Variants in ADAMTS17 observed in about 807,000 individuals in gnomAD.
ADAMTS17 encodes the protein A disintegrin and metalloproteinase with thrombospondin motifs 17.
In ADAMTS17, 113 loss-of-function variants were observed where a neutral mutation model predicts 141.5. That is an observed-to-expected ratio of 0.80 (90% CI 0.69 to 0.93). The LOEUF (loss-of-function observed/expected upper bound fraction) is 0.93, where lower values mean the gene tolerates loss of function less well. ADAMTS17 is among the 40% of genes least tolerant of loss of function. The pLI is 0.00. For missense variants in ADAMTS17, 1,659 were observed against 1,517.9 expected (o/e 1.09, Z -1.54); for synonymous variants, 768 against 630.6 (o/e 1.22, Z -3.27).
At chr15:100,208,121 G>A (rs566372287) in intron 7 of ADAMTS17, among the ~76,000 whole-genome samples, 1 of 152,028 alleles carries the variant, frequency 6.6e-6, no homozygotes. Context: ...AGCCTCACCT[G>A]GTACACAGTA....
chr15:100,011,084 T>C (rs1175074254), intron 18 of ADAMTS17, among the ~76,000 whole-genome samples: 1 of 151,598 alleles, frequency 6.6e-6, no homozygotes, highest in Non-Finnish European at 1.5e-5. Flanking sequence ...TGAGGACTAC[T>C]GAGAAACCAC....
intron 7 of ADAMTS17, among the ~76,000 whole-genome samples, chr15:100,209,731 C>A (rs2041728497): frequency 6.6e-6 from 1 of 152,140 alleles, no homozygotes; most frequent in Admixed American, 6.5e-5. Context: ...GGAAGATGGC[C>A]AGCCTCAGAA....
chr15:100,336,915 C>G (rs1054983396), intron 2 of ADAMTS17, among the ~76,000 whole-genome samples: 1 of 152,202 alleles, frequency 6.6e-6, no homozygotes, highest in African/African-American at 2.4e-5. Flanking sequence ...CTGAGCTCAC[C>G]CAGGCTGGAG....
intron 7 of ADAMTS17, among the ~76,000 whole-genome samples, chr15:100,219,841 T>C (rs1187491255): frequency 1.3e-5 from 2 of 151,676 alleles, no homozygotes; most frequent in South Asian, 2.1e-4. Flanking sequence ...AAACCATTCA[T>C]CCCTCTAGTT....
chr15:100,018,086 A>G (rs1407865199), intron 18 of ADAMTS17, among the ~76,000 whole-genome samples: 1 of 152,126 alleles, frequency 6.6e-6, no homozygotes, highest in Non-Finnish European at 1.5e-5. Context: ...TGCTCTCCCT[A>G]GCTCCTGGCA....
intron 7 of ADAMTS17, among the ~76,000 whole-genome samples, chr15:100,214,654 C>A (rs2041914671): frequency 6.6e-6 from 1 of 152,200 alleles, no homozygotes; most frequent in African/African-American, 2.4e-5. Flanking sequence ...AATGGTACTG[C>A]TGACCTGGCC....
rs571989836 is a variant in ADAMTS17 at position 100,209,092 on chromosome 15, T to C, written c.1076-9669A>G. 2.5e-3 allele frequency among the ~76,000 whole-genome samples: 248 copies of C among 99,344 alleles called. 2 individuals carry two copies. Among genetic ancestry groups the C allele is most frequent in the African/African-American group, 9.1e-3 (235 of 25,950 alleles). 65.2% of individuals were successfully genotyped at this position (99,344 alleles called of 152,430 possible). A position where few individuals can be genotyped will look rare whatever the true frequency, so the allele number is the denominator to read the frequency against. ...GATGAATACAATGCAAGGCCATGCA[T>C]GGAAATATTTGCCAAGTTAGCAAAA... is the stretch of plus-strand genomic sequence containing the variant. On this transcript the variant is annotated intron_variant, in intron 7 of 21. Coordinates refer to ENST00000268070, the MANE Select transcript of ADAMTS17 (RefSeq NM_139057.4).
chr15:100,218,081 C>T (rs2042023834), intron 7 of ADAMTS17, among the ~76,000 whole-genome samples: 1 of 152,186 alleles, frequency 6.6e-6, no homozygotes, highest in Non-Finnish European at 1.5e-5. Context: ...CCATGTTGCC[C>T]AGGCTAGTCT....
intron 3 of ADAMTS17, among the ~76,000 whole-genome samples, chr15:100,314,364 TTAAA>T (rs2045496499): frequency 6.6e-6 from 1 of 152,184 alleles, no homozygotes; most frequent in South Asian, 2.1e-4. Context: ...TATCCTTACG[TTAAA>T]TAAGGGTTCT....
intron 10 of ADAMTS17, among the ~76,000 whole-genome samples, chr15:100,137,806 C>G (rs2038412418): frequency 6.6e-6 from 1 of 152,154 alleles, no homozygotes; most frequent in African/African-American, 2.4e-5. Context: ...CACCAACACC[C>G]ACCCTTTCAC....
intron 4 of ADAMTS17, among the ~76,000 whole-genome samples, chr15:100,268,191 A>G (rs2043786747): frequency 6.6e-6 from 1 of 152,036 alleles, no homozygotes; most frequent in Non-Finnish European, 1.5e-5. Flanking sequence ...TCTTTTATCT[A>G]GTTTACCACT....
chr15:100,279,104 C>T (rs1255375531), intron 4 of ADAMTS17, among the ~76,000 whole-genome samples: 2 of 152,162 alleles, frequency 1.3e-5, no homozygotes, highest in African/African-American at 2.4e-5. Flanking sequence ...GTGTCCTTGC[C>T]CAGCCACAGC....
chr15:100,243,410 T>G (rs1267772461), intron 7 of ADAMTS17, among the ~76,000 whole-genome samples: 1 of 152,250 alleles, frequency 6.6e-6, no homozygotes, highest in African/African-American at 2.4e-5. Flanking sequence ...CCATAGCAGA[T>G]GCACCATTTT....
At chr15:100,312,501 G>C (rs998827476) in intron 3 of ADAMTS17, among the ~76,000 whole-genome samples, 2 of 152,216 alleles carry the variant, frequency 1.3e-5, no homozygotes, top group Non-Finnish European at 2.9e-5. Context: ...TAATATATTT[G>C]TGTTATTTTA....
intron 7 of ADAMTS17, among the ~76,000 whole-genome samples, chr15:100,250,337 T>A (rs189142402): frequency 6.6e-6 from 1 of 152,318 alleles, no homozygotes; most frequent in African/African-American, 2.4e-5. Context: ...CCTACAGAAC[T>A]CAAGACACAG....
Position 99,974,115 on chromosome 15 carries a change from G to T in ADAMTS17, c.*287C>A, listed in dbSNP as rs1411188948. On this transcript the variant is annotated 3_prime_UTR_variant, in exon 22 of 22. Coordinates refer to ENST00000268070, the MANE Select transcript of ADAMTS17 (RefSeq NM_139057.4). The stretch of plus-strand genomic sequence containing the variant: ...CACTAAATGATGTCTCTCTCTTGAC[G>T]GTTGTCTGCCAGAGGTGCTTCCCTT... 4 of 499,952 alleles carry T rather than the reference G, an allele frequency of 8.0e-6. No individual in the cohort carries two copies. Among genetic ancestry groups the T allele is most frequent in the South Asian group, 4.1e-5 (2 of 48,354 alleles). 31.0% of individuals were successfully genotyped at this position (499,952 alleles called of 1,614,324 possible).
intron 7 of ADAMTS17, among the ~76,000 whole-genome samples, chr15:100,234,705 C>A (rs1236686454): frequency 1.3e-5 from 2 of 152,226 alleles, no homozygotes; most frequent in African/African-American, 4.8e-5. Context: ...GGAAACGCTG[C>A]AACCAGCCCG....
At chr15:100,042,645 A>C (rs2031349598) in intron 18 of ADAMTS17, among the ~76,000 whole-genome samples, 1 of 152,214 alleles carries the variant, frequency 6.6e-6, no homozygotes, top group African/African-American at 2.4e-5. Context: ...AGTAAAACGC[A>C]AGAACTACGA....
chr15:100,044,982 A>C (rs1242183757), intron 18 of ADAMTS17, among the ~76,000 whole-genome samples: 1 of 151,778 alleles, frequency 6.6e-6, no homozygotes, highest in African/African-American at 2.4e-5. Flanking sequence ...TAATTTTTGT[A>C]TTTTTAGTAG....
Sources: gnomAD v4.1 joint callset for allele counts (sites outside exome capture counted in the v4.1 genomes callset) on GRCh38, gnomAD v4.1.1 for gene constraint, MANE v1.5 for transcripts, NCBI Gene and HGNC (gene_info 2026-07-23, HGNC 2026-07-21) for gene names.